Variants in FABP12 observed in about 807,000 individuals in gnomAD.
FABP12 encodes fatty acid-binding protein 12.
A neutral mutation model predicts 13.7 loss-of-function variants in FABP12; 19 were observed. The observed-to-expected ratio is 1.39, with a 90% CI of 0.97 to 2.04. FABP12 has a LOEUF of 2.04. FABP12 is among the 30% of genes most tolerant of loss of function. The pLI, the probability that FABP12 is intolerant of heterozygous loss-of-function variation, is 0.00. For missense variants in FABP12, 182 were observed against 164.2 expected, an observed-to-expected ratio of 1.11 and a Z score of -0.59; for synonymous variants, 61 against 57.0, an observed-to-expected ratio of 1.07 and a Z score of -0.32.
intron 1 of FABP12, among the ~76,000 whole-genome samples, chr8:81,556,292 A>G (rs1050487434): frequency 1.3e-5 from 2 of 152,158 alleles, no homozygotes; most frequent in Non-Finnish European, 1.5e-5. Context: ...GAATGTGTAG[A>G]TGGACAAAGT....
At chr8:81,576,298 C>A (rs1027368949) in intron 1 of FABP12, among the ~76,000 whole-genome samples, 3 of 151,952 alleles carry the variant, frequency 2.0e-5, no homozygotes, top group Non-Finnish European at 2.9e-5. Flanking sequence ...ATGAATGATT[C>A]ATATAAAATA....
In FABP12 at chr8:81,574,631, G is replaced by A. The variant is rs566608646; in HGVS notation, c.-185+15422C>T. 5.9e-5 allele frequency among the ~76,000 whole-genome samples: 9 copies of A among 152,114 alleles called. No individual in the cohort carries two copies. The South Asian group carries it at 8.3e-4, about 14-fold the overall frequency. ...AATTACCATTTCAATCTCACTGCTC[G>A]TTATTGTTCTGTTCAGGGTATCTAA... is the stretch of plus-strand genomic sequence containing the variant. On this transcript the variant is annotated intron_variant, in intron 1 of 5. Transcript: ENST00000692030.
chr8:81,582,118 AT>A (rs34960860), intron 1 of FABP12, among the ~76,000 whole-genome samples: 21 of 96,776 alleles, frequency 2.2e-4, no homozygotes, highest in African/African-American at 3.8e-4. Context: ...GCTAACTGGA[AT>A]TTTTTTTTTT....
exon 4 of FABP12, chr8:81,527,087 T>C (rs2129923045): frequency 1.2e-6 from 2 of 1,611,240 alleles, no homozygotes; most frequent in Middle Eastern, 3.3e-4. Context: ...GTCCTGAACT[T>C]GAATCAGGGA....
At chr8:81,549,515 C>T (rs1203030789) in intron 1 of FABP12, among the ~76,000 whole-genome samples, 1 of 152,166 alleles carries the variant, frequency 6.6e-6, no homozygotes, top group East Asian at 1.9e-4. Context: ...CTTGTTAAAA[C>T]TGGCACCCCA....
At chr8:81,569,668 C>T (rs150224579) in intron 1 of FABP12, among the ~76,000 whole-genome samples, 1 of 152,212 alleles carries the variant, frequency 6.6e-6, no homozygotes, top group Non-Finnish European at 1.5e-5. Flanking sequence ...TAAACTATGA[C>T]AGCCCCCTCA....
chr8:81,531,719 C>T (rs189594509), intron 1 of FABP12, among the ~76,000 whole-genome samples: 1 of 152,230 alleles, frequency 6.6e-6, no homozygotes, highest in African/African-American at 2.4e-5. Flanking sequence ...TCTGTCTGTC[C>T]AAAGATGATT....
intron 1 of FABP12, among the ~76,000 whole-genome samples, chr8:81,562,201 G>A (rs1442012365): frequency 2.6e-5 from 4 of 152,198 alleles, no homozygotes; most frequent in African/African-American, 9.6e-5. Context: ...CTGCCTTGAA[G>A]GGAAGGACCC....
intron 1 of FABP12, among the ~76,000 whole-genome samples, chr8:81,574,435 C>T (rs1260049465): frequency 1.3e-5 from 2 of 151,420 alleles, no homozygotes; most frequent in African/African-American, 2.4e-5. Context: ...TGTGTCCTTT[C>T]CTGTTTGGTA....
chr8:81,588,565 T>C (rs1810277454), intron 1 of FABP12, among the ~76,000 whole-genome samples: 1 of 152,208 alleles, frequency 6.6e-6, no homozygotes, highest in Non-Finnish European at 1.5e-5. Flanking sequence ...TTTATGTCTT[T>C]CTAAGTATAA....
chr8:81,546,651 G>A (rs963701119), intron 1 of FABP12, among the ~76,000 whole-genome samples: 68 of 152,168 alleles, frequency 4.5e-4, no homozygotes, highest in African/African-American at 1.5e-3. Flanking sequence ...GCGAGACTCC[G>A]TCTCAAAATA....
intron 3 of FABP12, among the ~76,000 whole-genome samples, chr8:81,528,480 A>C (rs1164097270): frequency 6.6e-6 from 1 of 152,248 alleles, no homozygotes; most frequent in Non-Finnish European, 1.5e-5. Context: ...ACAAGAATTT[A>C]AACTCTCATA....
chr8:81,525,139 A>G lies in FABP12; in HGVS notation c.349-19T>C, dbSNP rs540886808. ...TACTTTCCTACAAGACAAAAGAAAT[A>G]TGAGGTATTTCAGTATAGTTAGTGA... On this transcript the variant is annotated intron_variant, in intron 4 of 4. Coordinates refer to ENST00000360464, the Ensembl canonical transcript of FABP12. 1.4e-6 allele frequency: 2 copies of G among 1,481,304 alleles called. No individual in the cohort carries two copies. Among genetic ancestry groups the G allele is most frequent in the Admixed American group, 1.9e-5 (1 of 53,304 alleles). 91.8% of individuals were successfully genotyped at this position (1,481,304 alleles called of 1,614,324 possible). A position where few individuals can be genotyped will look rare whatever the true frequency, so the allele number is the denominator to read the frequency against.
chr8:81,531,205 T>A, intron 2 of FABP12, 38 bp downstream of exon 2: 1 of 1,468,680 alleles, frequency 6.8e-7, no homozygotes, highest in African/African-American at 1.4e-5. Flanking sequence ...AAAATGCCCA[T>A]TTTTACTGGA....
intron 3 of FABP12, among the ~76,000 whole-genome samples, chr8:81,528,887 G>A (rs1392462157): frequency 1.3e-5 from 2 of 152,024 alleles, no homozygotes; most frequent in Non-Finnish European, 2.9e-5. Context: ...ACCTCTTTTG[G>A]CATGGATCCC....
chr8:81,527,594 C>T (rs942626804), intron 3 of FABP12, among the ~76,000 whole-genome samples: 1 of 152,128 alleles, frequency 6.6e-6, no homozygotes, highest in African/African-American at 2.4e-5. Flanking sequence ...AATCTCCTGA[C>T]CTTGTGATCT....
rs138830050 is a variant in FABP12 at position 81,560,852 on chromosome 8, T to C, written c.-184-21109A>G. Among the ~76,000 whole-genome samples the C allele has an allele frequency of 1.4e-3, 211 of 152,336 alleles. 2 individuals carry two copies. Among genetic ancestry groups the C allele is most frequent in the African/African-American group, 4.9e-3 (205 of 41,578 alleles). ...GTCCATGCTCTTAATCCTTAGGCTG[T>C]GCTGCTTCTAGGTAGTAAGTGAGGA... On this transcript the variant is annotated intron_variant, in intron 1 of 5. Coordinates refer to the FABP12 transcript ENST00000692030.
rs1808923794 is a variant in FABP12 at position 81,527,131 on chromosome 8, A to G, written c.247-10T>C. ...CTAAGGTTACTTTACTCTGAAAAAC[A>G]GAAAAAACTAAATTCAGATCAGCTT... On this transcript the variant is annotated splice_polypyrimidine_tract_variant and intron_variant, in intron 3 of 4. Coordinates refer to ENST00000360464, the Ensembl canonical transcript of FABP12. The G allele has an allele frequency of 1.3e-6, 2 of 1,483,760 alleles. No homozygotes were observed. Among genetic ancestry groups the G allele is most frequent in the Non-Finnish European group, 1.9e-6 (2 of 1,076,958 alleles). 91.9% of individuals were successfully genotyped at this position (1,483,760 alleles called of 1,614,324 possible).
intron 1 of FABP12, among the ~76,000 whole-genome samples, chr8:81,556,314 G>T (rs1809614894): frequency 1.3e-5 from 2 of 151,792 alleles, no homozygotes; most frequent in African/African-American, 2.4e-5. Context: ...TAGGGTAAAA[G>T]TTAATGTGTT....
Sources: gnomAD v4.1 joint callset for allele counts (sites outside exome capture counted in the v4.1 genomes callset) on GRCh38, gnomAD v4.1.1 for gene constraint, MANE v1.5 for transcripts, NCBI Gene and HGNC (gene_info 2026-07-23, HGNC 2026-07-21) for gene names.